The following SNX4 variants were observed in gnomAD, a reference collection of about 807,000 sequenced individuals.
The protein encoded by SNX4 is sorting nexin 4.
SNX4 carries 49 observed loss-of-function variants against 70.8 expected under a neutral mutation model. The observed-to-expected ratio is 0.69, with a 90% confidence interval of 0.55 to 0.88. The LOEUF is 0.88. SNX4 is among the 40% of genes least tolerant of loss of function. SNX4 has a pLI of 0.00. For synonymous variants in SNX4, 206 were observed against 183.8 expected (o/e 1.12, Z -0.98); for missense variants, 528 against 544.8 (o/e 0.97, Z 0.31).
intron 1 of SNX4, among the ~76,000 whole-genome samples, chr3:125,515,129 C>CT (rs1170486586): frequency 6.6e-6 from 1 of 152,106 alleles, no homozygotes; most frequent in African/African-American, 2.4e-5. Flanking sequence ...AGGAGGACTG[C>CT]TTGAGGCCAA....
Position 125,520,142 on chromosome 3 carries a change from G to T in SNX4, c.31C>A (p.Gln11Lys). The change falls in exon 1 of 14, where the codon CAG becomes AAG. Residue 11 changes from glutamine (Q) to lysine (K), a missense_variant. Gln to Lys is a moderately conservative substitution (Grantham distance 53). Coordinates refer to ENST00000251775, the MANE Select transcript of SNX4 (RefSeq NM_003794.4). Reference sequence around the variant, plus strand: ...GGCTCCAAGGGCGCCGGCTGGAGCTGCCGCTCGGGGTCCGGAGGTGCCTGC... The same window carrying T: ...GGCTCCAAGGGCGCCGGCTGGAGCTTCCGCTCGGGGTCCGGAGGTGCCTGC... Reference protein sequence around the residue: MEQAPPDPERQLQPAPLEPLG... With the variant: MEQAPPDPERKLQPAPLEPLG... 6.9e-7 allele frequency: 1 copy of T among 1,448,806 alleles called. No homozygotes were observed. The highest frequency in any genetic ancestry group is 1.4e-5 in the South Asian group (1 of 70,000). 89.7% of individuals were successfully genotyped at this position (1,448,806 alleles called of 1,614,324 possible). A position where few individuals can be genotyped will look rare whatever the true frequency, so the allele number is the denominator to read the frequency against.
At chr3:125,474,183 C>T (rs1185829860) in intron 8 of SNX4, among the ~76,000 whole-genome samples, 1 of 152,216 alleles carries the variant, frequency 6.6e-6, no homozygotes, top group Non-Finnish European at 1.5e-5. Context: ...AAAAAATCCA[C>T]TGGTAAGTCT....
chr3:125,513,869 T>C (rs1227738296), intron 1 of SNX4, among the ~76,000 whole-genome samples: 3 of 152,170 alleles, frequency 2.0e-5, no homozygotes, highest in Non-Finnish European at 4.4e-5. Context: ...CAAATGACCA[T>C]AGACTGGGTG....
chr3:125,480,310 A>T lies in SNX4; in HGVS notation c.663T>A (p.Thr221=), dbSNP rs759997979. ...GTTCATCACTATAGTGCTTAAGGTC[A>T]GTAAATCTCCTGAAACAGGAAACAA... ...FRVKNPDKRF[T]DLKHYSDELQ... is the part of the protein sequence containing the mutation. Residue 221 remains threonine (T), a synonymous_variant, in exon 7 of 14, where the codon ACT becomes ACA. Transcript: ENST00000251775. 1.6e-5 allele frequency: 24 copies of T among 1,523,362 alleles called. No individual in the cohort carries two copies. The highest frequency in any genetic ancestry group is 2.1e-5 in the Non-Finnish European group (24 of 1,128,964). 94.4% of individuals were successfully genotyped at this position (1,523,362 alleles called of 1,614,324 possible).
intron 11 of SNX4, among the ~76,000 whole-genome samples, chr3:125,456,685 G>A (rs780259598): frequency 2.4e-4 from 36 of 152,212 alleles, no homozygotes; most frequent in Non-Finnish European, 3.1e-4. Context: ...TTTTGAGATG[G>A]AGTCTTGCTC....
chr3:125,502,320 A>G (rs1934945804), intron 2 of SNX4, among the ~76,000 whole-genome samples: 1 of 151,034 alleles, frequency 6.6e-6, no homozygotes. Context: ...CTCATTTCCT[A>G]AACTTCTTAC....
At chr3:125,515,364 T>C (rs1332728820) in intron 1 of SNX4, among the ~76,000 whole-genome samples, 1 of 150,754 alleles carries the variant, frequency 6.6e-6, no homozygotes, top group African/African-American at 2.4e-5. Context: ...AAAATATATA[T>C]ATATATATAT....
intron 13 of SNX4, among the ~76,000 whole-genome samples, chr3:125,449,938 A>T (rs1011358700): frequency 6.6e-6 from 1 of 152,204 alleles, no homozygotes; most frequent in Non-Finnish European, 1.5e-5. Context: ...GAGGTTAAAA[A>T]GTTAGATTGG....
rs6799480 is a variant in SNX4, at chr3:125,451,177, T to C, written c.1305+128A>G. Reference sequence around the variant, plus strand: ...AAACAGAAATCCTACAAAATTAAAATAGAGAAATTGGTAAACATTCTACAA... The same window carrying C: ...AAACAGAAATCCTACAAAATTAAAACAGAGAAATTGGTAAACATTCTACAA... On this transcript the variant is annotated intron_variant, in intron 13 of 13. Transcript: ENST00000251775. 4.0e-3 allele frequency: 1,899 copies of C among 479,608 alleles called. 18 individuals are homozygous for C. The highest frequency in any genetic ancestry group is 0.021 in the African/African-American group (1,045 of 49,794). The allele number at this position is 479,608 out of a possible 1,614,324, so 29.7% of individuals were successfully genotyped here.
intron 1 of SNX4, among the ~76,000 whole-genome samples, chr3:125,506,443 C>T (rs574978451): frequency 4.6e-5 from 7 of 151,092 alleles, no homozygotes; most frequent in South Asian, 4.2e-4. Flanking sequence ...TGGATTCAAG[C>T]GATTCCTGTG....
chr3:125,479,488 G>A (rs540401092), intron 7 of SNX4, among the ~76,000 whole-genome samples: 107 of 152,064 alleles, frequency 7.0e-4, no homozygotes, highest in Non-Finnish European at 1.3e-3. Context: ...CCGGGAGGTG[G>A]AGGTTGCAGT....
chr3:125,505,729 T>A (rs962242191), intron 1 of SNX4, among the ~76,000 whole-genome samples: 4 of 152,198 alleles, frequency 2.6e-5, no homozygotes, highest in African/African-American at 9.7e-5. Context: ...TCCAGGGGAC[T>A]TCAAAAGCCA....
chr3:125,502,473 C>A (rs1437717095), intron 2 of SNX4, among the ~76,000 whole-genome samples: 1 of 151,896 alleles, frequency 6.6e-6, no homozygotes, highest in Non-Finnish European at 1.5e-5. Context: ...TAGGCAGAAA[C>A]ACAGACCTGG....
chr3:125,476,651 AG>A, intron 8 of SNX4, 43 bp downstream of exon 8: 1 of 1,069,294 alleles, frequency 9.4e-7, no homozygotes, highest in Middle Eastern at 2.0e-4. Context: ...TCAGGCAAAA[AG>A]GTAATTAAAG....
chr3:125,455,499 T>TCA (rs1201847485), intron 11 of SNX4, among the ~76,000 whole-genome samples: 2 of 152,174 alleles, frequency 1.3e-5, no homozygotes, highest in African/African-American at 4.8e-5. Context: ...TAACATTTCC[T>TCA]CACTCTCTGG....
chr3:125,519,754 C>G (rs779311129), intron 1 of SNX4, among the ~76,000 whole-genome samples: 2 of 152,074 alleles, frequency 1.3e-5, no homozygotes, highest in East Asian at 1.9e-4. Context: ...TGCGGGGGCG[C>G]CCCCCCGGGT....
At chr3:125,477,805 T>C (rs1322229989) in intron 7 of SNX4, among the ~76,000 whole-genome samples, 1 of 152,154 alleles carries the variant, frequency 6.6e-6, no homozygotes, top group Non-Finnish European at 1.5e-5. Flanking sequence ...GCCACTTGTT[T>C]TGTAAACAGA....
At chr3:125,478,281 G>A (rs1453646679) in intron 7 of SNX4, among the ~76,000 whole-genome samples, 1 of 151,832 alleles carries the variant, frequency 6.6e-6, no homozygotes, top group Non-Finnish European at 1.5e-5. Flanking sequence ...TGCTGGTCAG[G>A]CTGGTCTCAA....
At chr3:125,476,326 C>A (rs1303380628) in intron 8 of SNX4, among the ~76,000 whole-genome samples, 1 of 147,418 alleles carries the variant, frequency 6.8e-6, no homozygotes, top group Non-Finnish European at 1.5e-5. Flanking sequence ...AATCCCAGCA[C>A]TTTCGGAGGC....
Sources: allele counts gnomAD v4.1 joint callset (sites outside exome capture counted in the v4.1 genomes callset), GRCh38; gene constraint gnomAD v4.1.1; transcripts MANE v1.5; gene names NCBI Gene and HGNC (gene_info 2026-07-23, HGNC 2026-07-21).